NRG4: variants seen among roughly 807,000 people sequenced by gnomAD.
The protein encoded by NRG4 is pro-neuregulin-4, membrane-bound isoform.
Under a neutral mutation model 15.0 loss-of-function variants are expected in NRG4, and 10 were observed. The observed-to-expected ratio is 0.67, with a 90% CI of 0.41 to 1.13. The LOEUF (loss-of-function observed/expected upper bound fraction) is 1.13. Ranked by LOEUF, NRG4 falls within the 50% of genes most tolerant of loss-of-function variation. The pLI is 0.00. For missense variants in NRG4, 139 were observed against 140.2 expected, an observed-to-expected ratio of 0.99 and a Z score of 0.04; for synonymous variants, 41 against 50.1, an observed-to-expected ratio of 0.82 and a Z score of 0.77.
chr15:76,012,451 T>G (rs1451757914), upstream of NRG4: 2 of 152,222 alleles, frequency 1.3e-5, no homozygotes, highest in Admixed American at 1.3e-4. Flanking sequence ...GTGTGCAGTG[T>G]GGGCGAGGTC....
chr15:75,968,471 C>A (rs1277015398), intron 3 of NRG4, among the ~76,000 whole-genome samples: 2 of 151,696 alleles, frequency 1.3e-5, no homozygotes, highest in Non-Finnish European at 2.9e-5. Flanking sequence ...GCCTGTAATT[C>A]CAGCTACTCA....
intron 3 of NRG4, among the ~76,000 whole-genome samples, chr15:76,006,009 G>T (rs2034592422): frequency 6.6e-6 from 1 of 152,202 alleles, no homozygotes. Flanking sequence ...ATGGATAGGT[G>T]TGAGGGCTGT....
intron 3 of NRG4, among the ~76,000 whole-genome samples, chr15:75,988,633 A>G (rs1167099084): frequency 2.0e-5 from 3 of 152,182 alleles, no homozygotes; most frequent in Non-Finnish European, 4.4e-5. Flanking sequence ...TATATTCTAC[A>G]TGTCACACTG....
chr15:75,936,397 T>A (rs562610763), downstream of NRG4: 4 of 152,322 alleles, frequency 2.6e-5, no homozygotes, highest in African/African-American at 4.8e-5. Context: ...ACCAGAAAGT[T>A]ACTTTAATAT....
At chr15:76,058,118 G>C (rs988608660) in intron 1 of NRG4, among the ~76,000 whole-genome samples, 2 of 151,998 alleles carry the variant, frequency 1.3e-5, no homozygotes, top group African/African-American at 2.4e-5. Flanking sequence ...TAACAATCTG[G>C]GCAAGCTATG....
chr15:76,024,190 G>A (rs556429030), intron 5 of NRG4, among the ~76,000 whole-genome samples: 1 of 152,194 alleles, frequency 6.6e-6, no homozygotes, highest in African/African-American at 2.4e-5. Context: ...GCTGCCCCTG[G>A]CTAGCATGCC....
At chr15:75,972,894 CT>C (rs1482593338) in intron 3 of NRG4, among the ~76,000 whole-genome samples, 1 of 152,108 alleles carries the variant, frequency 6.6e-6, no homozygotes, top group Non-Finnish European at 1.5e-5. Flanking sequence ...GTAGGTTTTT[CT>C]AATTCTGTGA....
chr15:75,942,667 G>C lies in NRG4; in HGVS notation c.*971C>G, dbSNP rs1476653847. The C allele has an allele frequency of 2.0e-5, 3 of 152,220 alleles. No homozygotes were observed. The allele number at this position is 152,220 out of a possible 1,614,324, so 9.4% of individuals were successfully genotyped here. On this transcript the variant is annotated 3_prime_UTR_variant, in exon 6 of 6. Transcript: ENST00000394907. The stretch of plus-strand genomic sequence containing the variant: ...GGCCAGACTGTGTAGAGAAGCCAGC[G>C]TGCATCCCAGCCTTGACGAGGACAT...
At chr15:76,018,337 C>G (rs1032459501) in intron 5 of NRG4, among the ~76,000 whole-genome samples, 1 of 152,140 alleles carries the variant, frequency 6.6e-6, no homozygotes, top group Non-Finnish European at 1.5e-5. Context: ...GTCGATTTGT[C>G]AAACTCATTC....
intron 3 of NRG4, among the ~76,000 whole-genome samples, chr15:75,992,842 CAG>C (rs1348237963): frequency 6.6e-6 from 1 of 151,936 alleles, no homozygotes; most frequent in Non-Finnish European, 1.5e-5. Context: ...TAATATATAA[CAG>C]TACTTTATTG....
intron 5 of NRG4, among the ~76,000 whole-genome samples, chr15:75,947,770 A>G (rs1468709168): frequency 3.9e-5 from 6 of 152,186 alleles, no homozygotes; most frequent in Non-Finnish European, 1.5e-5. Context: ...ACAATGCACA[A>G]GGGTTCCAAT....
chr15:75,963,623 CA>C (rs751758836), intron 3 of NRG4, among the ~76,000 whole-genome samples: 31 of 151,908 alleles, frequency 2.0e-4, no homozygotes, highest in Non-Finnish European at 4.1e-4. Context: ...ACTAAAAATA[CA>C]AAAATTATCT....
intron 3 of NRG4, among the ~76,000 whole-genome samples, chr15:75,982,843 C>T (rs959266857): frequency 3.3e-5 from 5 of 152,164 alleles, no homozygotes; most frequent in Non-Finnish European, 1.5e-5. Context: ...CAAGCTGTCT[C>T]CCCACATCTC....
intron 3 of NRG4, among the ~76,000 whole-genome samples, chr15:75,985,657 C>T (rs573640025): frequency 9.2e-5 from 14 of 152,290 alleles, no homozygotes; most frequent in Admixed American, 2.6e-4. Flanking sequence ...ACACCAGCAA[C>T]GGCCAACTTC....
At chr15:75,976,268 A>G (rs528936348) in intron 3 of NRG4, among the ~76,000 whole-genome samples, 121 of 152,146 alleles carry the variant, frequency 8.0e-4, no homozygotes, top group Non-Finnish European at 1.1e-3. Flanking sequence ...GCTTCCTTGT[A>G]TTGGGTTAGA....
chr15:75,965,788 G>A (rs1356560688), intron 3 of NRG4, among the ~76,000 whole-genome samples: 1 of 152,182 alleles, frequency 6.6e-6, no homozygotes, highest in Non-Finnish European at 1.5e-5. Context: ...TGGATTAAGT[G>A]GATATAGACA....
chr15:75,990,994 T>C (rs2033994595), intron 3 of NRG4, among the ~76,000 whole-genome samples: 1 of 152,168 alleles, frequency 6.6e-6, no homozygotes, highest in African/African-American at 2.4e-5. Context: ...TCATATATTC[T>C]ATTAATCTAG....
intron 5 of NRG4, among the ~76,000 whole-genome samples, chr15:76,035,377 C>T (rs1332303154): frequency 6.6e-6 from 1 of 152,164 alleles, no homozygotes; most frequent in Admixed American, 6.5e-5. Context: ...CAAAGGAGAA[C>T]AGGATTGTTA....
chr15:75,979,883 A>C (rs1317467077), intron 3 of NRG4, among the ~76,000 whole-genome samples: 1 of 152,188 alleles, frequency 6.6e-6, no homozygotes, highest in Non-Finnish European at 1.5e-5. Flanking sequence ...AGTTCATCTG[A>C]AATTGTACTG....
Sources: gnomAD v4.1 joint callset for allele counts (sites outside exome capture counted in the v4.1 genomes callset) on GRCh38, gnomAD v4.1.1 for gene constraint, MANE v1.5 for transcripts, NCBI Gene and HGNC (gene_info 2026-07-23, HGNC 2026-07-21) for gene names.